SH3BGRL2: variants seen among roughly 807,000 people sequenced by gnomAD.
SH3BGRL2 encodes the protein SH3 domain binding glutamate rich protein like 2, also known as SH3 domain-binding glutamic acid-rich-like protein 2.
Under a neutral mutation model 14.8 loss-of-function variants are expected in SH3BGRL2, and 21 were observed. The ratio of observed to expected loss-of-function variants is 1.42; its 90% CI spans 1.01 to 2.05. SH3BGRL2 has a LOEUF of 2.05. SH3BGRL2 is among the 30% of genes most tolerant of loss of function. The pLI, the probability that SH3BGRL2 is intolerant of heterozygous loss-of-function variation, is 0.00. For missense variants in SH3BGRL2, 147 were observed against 130.8 expected (o/e 1.12, Z -0.61); for synonymous variants, 50 against 47.8 (o/e 1.05, Z -0.19).
chr6:79,661,570 A>G (rs1769548787), intron 1 of SH3BGRL2, among the ~76,000 whole-genome samples: 1 of 152,198 alleles, frequency 6.6e-6, no homozygotes, highest in African/African-American at 2.4e-5. Context: ...CAGTTTTAGA[A>G]TAAGTGCGAT....
At chr6:79,617,130 G>A in the SH3BGRL2 span, among the ~76,000 whole-genome samples, 41,015 of 151,448 alleles carry the variant, frequency 0.27, 6,009 homozygotes, top group African/African-American at 0.37. Context: ...GGTTGTGGTG[G>A]GCCGTCATGG....
chr6:79,633,675 C>A (rs1213804122), intron 1 of SH3BGRL2, among the ~76,000 whole-genome samples: 1 of 152,120 alleles, frequency 6.6e-6, no homozygotes, highest in Non-Finnish European at 1.5e-5. Flanking sequence ...TTTAGAAAAT[C>A]CTTGTTTGTT....
the SH3BGRL2 span, among the ~76,000 whole-genome samples, chr6:79,550,954 A>G: frequency 1.3e-5 from 2 of 152,154 alleles, no homozygotes; most frequent in Non-Finnish European, 2.9e-5. Flanking sequence ...TTCTCACAAA[A>G]CCAGCGAAGA....
chr6:79,569,144 G>C, the SH3BGRL2 span, among the ~76,000 whole-genome samples: 1 of 152,180 alleles, frequency 6.6e-6, no homozygotes, highest in Non-Finnish European at 1.5e-5. Context: ...TGTCCAGAAA[G>C]GTGGGACAAA....
chr6:79,607,894 C>A, the SH3BGRL2 span, among the ~76,000 whole-genome samples: 2 of 152,036 alleles, frequency 1.3e-5, no homozygotes, highest in Non-Finnish European at 1.5e-5. Context: ...TACAGTGAGC[C>A]GAGATCGCAC....
chr6:79,681,216 G>A (rs944854341), intron 2 of SH3BGRL2, among the ~76,000 whole-genome samples: 1 of 152,174 alleles, frequency 6.6e-6, no homozygotes, highest in African/African-American at 2.4e-5. Flanking sequence ...AATGAAGAGA[G>A]AACAGCTTAG....
intron 1 of SH3BGRL2, among the ~76,000 whole-genome samples, chr6:79,632,896 GT>G (rs1197220822): frequency 3.3e-5 from 5 of 152,178 alleles, no homozygotes; most frequent in African/African-American, 1.2e-4. Flanking sequence ...AAAGCTCTTG[GT>G]TTCACCACCG....
intron 1 of SH3BGRL2, among the ~76,000 whole-genome samples, chr6:79,634,194 T>C (rs905777549): frequency 2.6e-5 from 4 of 152,248 alleles, no homozygotes; most frequent in Non-Finnish European, 4.4e-5. Flanking sequence ...CCTGTTTTCT[T>C]CTGATTCCCC....
At chr6:79,680,708 G>A (rs1289820911) in intron 2 of SH3BGRL2, among the ~76,000 whole-genome samples, 1 of 151,914 alleles carries the variant, frequency 6.6e-6, no homozygotes. Context: ...CCGTGAGCAT[G>A]GGATATCCAT....
the SH3BGRL2 span, among the ~76,000 whole-genome samples, chr6:79,545,027 T>C: frequency 6.6e-6 from 1 of 152,222 alleles, no homozygotes; most frequent in Non-Finnish European, 1.5e-5. Flanking sequence ...TCGGTCTCCC[T>C]CTAGTTCTAT....
Position 79,699,492 on chromosome 6 carries a change from T to TTTTTA in SH3BGRL2, c.313-5_313-4insTTTAT. On this transcript the variant is annotated splice_polypyrimidine_tract_variant and splice_region_variant and intron_variant, in intron 3 of 3. Transcript: ENST00000369838. ...TTTTTTTTTTTTTTTTTTTTTTTTTTTATAGGCAGAACCTTAGAGAAGAAG... is the reference window on the plus strand; with the variant it reads ...TTTTTTTTTTTTTTTTTTTTTTTTTTTTTTATATAGGCAGAACCTTAGAGAAGAAG... The TTTTTA allele has an allele frequency of 6.8e-7, 1 of 1,471,422 alleles. No homozygotes were observed. Among genetic ancestry groups the TTTTTA allele is most frequent in the Non-Finnish European group, 9.0e-7 (1 of 1,111,468 alleles). 91.1% of individuals were successfully genotyped at this position (1,471,422 alleles called of 1,614,324 possible). A position where few individuals can be genotyped will look rare whatever the true frequency, so the allele number is the denominator to read the frequency against.
At chr6:79,605,812 A>G in the SH3BGRL2 span, among the ~76,000 whole-genome samples, 3 of 152,336 alleles carry the variant, frequency 2.0e-5, no homozygotes, top group East Asian at 3.9e-4. Context: ...CCTGCTGAGT[A>G]TATCAGGAAA....
chr6:79,603,548 C>T, the SH3BGRL2 span, among the ~76,000 whole-genome samples: 6 of 152,140 alleles, frequency 3.9e-5, 1 homozygote, highest in Admixed American at 2.0e-4. Context: ...TTCCAGTCTC[C>T]CTTGCACAGA....
chr6:79,538,958 C>T, the SH3BGRL2 span, among the ~76,000 whole-genome samples: 1 of 152,204 alleles, frequency 6.6e-6, no homozygotes, highest in South Asian at 2.1e-4. Context: ...AGGTCTGCTT[C>T]CAAATTTCGT....
chr6:79,621,933 T>C, the SH3BGRL2 span, among the ~76,000 whole-genome samples: 1 of 152,068 alleles, frequency 6.6e-6, no homozygotes, highest in Non-Finnish European at 1.5e-5. Flanking sequence ...GGTATAAAGA[T>C]GCCATATTTG....
At chr6:79,653,920 A>G (rs1195416957) in intron 1 of SH3BGRL2, among the ~76,000 whole-genome samples, 2 of 152,168 alleles carry the variant, frequency 1.3e-5, no homozygotes, top group Non-Finnish European at 2.9e-5. Context: ...AGTGGTAAGA[A>G]GGAAAGCCCC....
chr6:79,665,354 A>G (rs917172596), intron 1 of SH3BGRL2, among the ~76,000 whole-genome samples: 18 of 152,344 alleles, frequency 1.2e-4, no homozygotes, highest in African/African-American at 4.1e-4. Context: ...TTTTAGAAAC[A>G]AAAAATATTC....
At chr6:79,618,466 G>T in the SH3BGRL2 span, among the ~76,000 whole-genome samples, 2 of 152,182 alleles carry the variant, frequency 1.3e-5, no homozygotes, top group African/African-American at 4.8e-5. Flanking sequence ...CCTGCATTTT[G>T]GGAGGCCGAG....
intron 1 of SH3BGRL2, among the ~76,000 whole-genome samples, chr6:79,657,804 A>AT (rs1315262461): frequency 6.6e-6 from 1 of 152,066 alleles, no homozygotes; most frequent in Non-Finnish European, 1.5e-5. Flanking sequence ...TTAAATTTTA[A>AT]TTTGCTTCTA....
Sources: gnomAD v4.1 joint callset for allele counts (sites outside exome capture counted in the v4.1 genomes callset) on GRCh38, gnomAD v4.1.1 for gene constraint, MANE v1.5 for transcripts, NCBI Gene and HGNC (gene_info 2026-07-23, HGNC 2026-07-21) for gene names.